Variants in KIAA1549L observed in about 807,000 individuals in gnomAD.
KIAA1549L encodes the protein UPF0606 protein KIAA1549L.
A neutral mutation model predicts 160.7 loss-of-function variants in KIAA1549L; 88 were observed. The ratio of observed to expected loss-of-function variants is 0.55; its 90% CI spans 0.46 to 0.65. The LOEUF is 0.65. Ranked by LOEUF, KIAA1549L falls within the 30% of genes least tolerant of loss-of-function variation. The pLI is 0.00. For missense variants in KIAA1549L, 2,258 were observed against 2,437.5 expected (o/e 0.93, Z 1.55); for synonymous variants, 950 against 976.7 (o/e 0.97, Z 0.51).
chr11:33,554,353 A>T (rs1055460484), intron 6 of KIAA1549L, among the ~76,000 whole-genome samples: 2 of 152,248 alleles, frequency 1.3e-5, no homozygotes, highest in Admixed American at 1.3e-4. Flanking sequence ...AGTGGACTCA[A>T]TTAGGACGTG....
At chr11:33,566,404 A>G (rs1010402215) in intron 8 of KIAA1549L, among the ~76,000 whole-genome samples, 1 of 152,236 alleles carries the variant, frequency 6.6e-6, no homozygotes, top group South Asian at 2.1e-4. Flanking sequence ...GAGGTGGGCC[A>G]GCCCTTCCAT....
chr11:33,648,315 C>T (rs888288957), intron 17 of KIAA1549L, among the ~76,000 whole-genome samples: 3 of 152,086 alleles, frequency 2.0e-5, no homozygotes, highest in South Asian at 2.1e-4. Flanking sequence ...CATTATTAAA[C>T]GCAGTCTTTT....
intron 1 of KIAA1549L, among the ~76,000 whole-genome samples, chr11:33,528,208 C>T (rs1853657944): frequency 6.6e-6 from 1 of 152,122 alleles, no homozygotes; most frequent in South Asian, 2.1e-4. Context: ...ATACAAATGG[C>T]CAACAAACTA....
At position 33,668,083 on chromosome 11, in the gene KIAA1549L, G is replaced by A. The variant is rs1454004233; in HGVS notation, c.6370G>A (p.Val2124Met). 1.9e-6 allele frequency: 3 copies of A among 1,614,018 alleles called. No homozygotes were observed. The highest frequency in any genetic ancestry group is 2.5e-6 in the Non-Finnish European group (3 of 1,179,896). ...GACCAACATCTCCACTGCGGCCCTTGTGAAGGCCATCCGGGAGGAGGTGGC... is the reference window on the plus strand; with the variant it reads ...GACCAACATCTCCACTGCGGCCCTTATGAAGGCCATCCGGGAGGAGGTGGC... Reference protein sequence around the residue: ...PLTNISTAALVKAIREEVAKL... With the variant: ...PLTNISTAALMKAIREEVAKL... Residue 2124 changes from valine (V) to methionine (M), a missense_variant, in exon 21 of 21, where the codon GTG becomes ATG. Physicochemically the swap from Val to Met is conservative, Grantham distance 21. Transcript: ENST00000658780.
intron 14 of KIAA1549L, 114 bp downstream of exon 14, chr11:33,606,936 C>A: frequency 2.5e-6 from 2 of 815,216 alleles, no homozygotes; most frequent in Non-Finnish European, 3.8e-6. Flanking sequence ...CCGTATAGGT[C>A]ATTTTTACCT....
rs1852624426 is a variant in KIAA1549L at position 33,670,169 on chromosome 11, T to A, written c.*2015T>A. ...TCTGATAAAATCAGCTACATTGTCC[T>A]GCTTTATCAATAATAATATTTCATT... On this transcript the variant is annotated 3_prime_UTR_variant, in exon 21 of 21. Transcript: ENST00000658780. The A allele has an allele frequency of 6.6e-6, 1 of 152,166 alleles. No individual in the cohort carries two copies. 9.4% of individuals were successfully genotyped at this position (152,166 alleles called of 1,614,324 possible).
chr11:33,424,485 C>T (rs1439989618), intron 1 of KIAA1549L, among the ~76,000 whole-genome samples: 2 of 152,096 alleles, frequency 1.3e-5, no homozygotes, highest in African/African-American at 4.8e-5. Context: ...TTAGAGGGCA[C>T]TCATTTTTCT....
chr11:33,382,356 A>G (rs554412067), intron 1 of KIAA1549L, among the ~76,000 whole-genome samples: 3 of 152,286 alleles, frequency 2.0e-5, no homozygotes, highest in South Asian at 4.2e-4. Flanking sequence ...GGCACTAGCA[A>G]TGCACGTTGA....
intron 8 of KIAA1549L, among the ~76,000 whole-genome samples, chr11:33,566,027 C>A (rs1855036826): frequency 6.6e-6 from 1 of 152,096 alleles, no homozygotes; most frequent in African/African-American, 2.4e-5. Context: ...AAAAAGAAAA[C>A]AATTTTATTG....
intron 1 of KIAA1549L, among the ~76,000 whole-genome samples, chr11:33,449,917 A>G (rs2761220): frequency 0.23 from 35,606 of 152,100 alleles, 4,407 homozygotes; most frequent in East Asian, 0.32. Flanking sequence ...TCCCACAGAA[A>G]GCACATGCAG....
At position 33,544,846 on chromosome 11, in the gene KIAA1549L, A is replaced by G; in HGVS notation, c.2853A>G (p.Ala951=). ...TTCTGAGGAAATCAAGTCCACCTGC[A>G]CTGTCTGCAGCCCTGGTTGCTAAGG... The part of the protein sequence containing the change: ...TLFLRKSSPP[A]LSAALVAKGT... The change falls in exon 3 of 21, where the codon GCA becomes GCG. Residue 951 remains alanine, a synonymous_variant. Transcript: ENST00000658780. 1 of 1,613,644 alleles carries G rather than the reference A, an allele frequency of 6.2e-7. No individual in the cohort carries two copies. Among genetic ancestry groups the G allele is most frequent in the South Asian group, 1.1e-5 (1 of 91,030 alleles).
chr11:33,484,231 G>A (rs1049017795), intron 1 of KIAA1549L, among the ~76,000 whole-genome samples: 40 of 152,258 alleles, frequency 2.6e-4, no homozygotes, highest in African/African-American at 9.6e-4. Flanking sequence ...TCAATCCTGA[G>A]CCTGACTCTG....
intron 1 of KIAA1549L, among the ~76,000 whole-genome samples, chr11:33,426,733 C>A (rs986695226): frequency 1.3e-5 from 2 of 152,156 alleles, no homozygotes; most frequent in Admixed American, 1.3e-4. Context: ...CAGAGAGATT[C>A]ATTTGCCCAA....
chr11:33,538,166 C>A (rs984586489), intron 1 of KIAA1549L, among the ~76,000 whole-genome samples: 6 of 152,292 alleles, frequency 3.9e-5, no homozygotes, highest in East Asian at 3.9e-4. Flanking sequence ...CCTTATAAAA[C>A]CAGATCTCGT....
chr11:33,641,826 A>G (rs1851596004), intron 16 of KIAA1549L, among the ~76,000 whole-genome samples: 1 of 151,964 alleles, frequency 6.6e-6, no homozygotes, highest in African/African-American at 2.4e-5. Flanking sequence ...TACTTAAAAC[A>G]GTGCCTGGCA....
At chr11:33,613,504 A>G in intron 15 of KIAA1549L, among the ~76,000 whole-genome samples, 1 of 152,226 alleles carries the variant, frequency 6.6e-6, no homozygotes, top group East Asian at 1.9e-4. Context: ...TTAGGCCTCA[A>G]GGAGCTTTTA....
chr11:33,428,342 T>G (rs1442663555), intron 1 of KIAA1549L, among the ~76,000 whole-genome samples: 3 of 152,184 alleles, frequency 2.0e-5, no homozygotes, highest in Non-Finnish European at 4.4e-5. Flanking sequence ...CTAGGGTACA[T>G]GTGCACAACG....
chr11:33,453,531 C>T (rs566214041), intron 1 of KIAA1549L, among the ~76,000 whole-genome samples: 4 of 152,094 alleles, frequency 2.6e-5, no homozygotes, highest in Non-Finnish European at 5.9e-5. Flanking sequence ...GGGAGATTTT[C>T]TTGGAGTGCT....
chr11:33,554,986 A>C (rs1192288430), intron 6 of KIAA1549L, among the ~76,000 whole-genome samples: 1 of 152,150 alleles, frequency 6.6e-6, no homozygotes, highest in Non-Finnish European at 1.5e-5. Context: ...CCCTGTAGGG[A>C]CTGCTTCTAT....
Sources: allele counts gnomAD v4.1 joint callset (sites outside exome capture counted in the v4.1 genomes callset), GRCh38; gene constraint gnomAD v4.1.1; transcripts MANE v1.5; gene names NCBI Gene and HGNC (gene_info 2026-07-23, HGNC 2026-07-21).